Variants in ABCA13 observed in about 807,000 individuals in gnomAD.
ABCA13 encodes the protein ATP binding cassette subfamily A member 13, also known as ATP-binding cassette sub-family A member 13.
A neutral mutation model predicts 478.7 loss-of-function variants in ABCA13; 476 were observed. The observed-to-expected ratio is 0.99, with a 90% CI of 0.92 to 1.07. The LOEUF is 1.07. Among genes scored for constraint, ABCA13 ranks in the 50% least tolerant of loss-of-function variants. ABCA13 has a pLI of 0.00. For synonymous variants in ABCA13, 2,252 were observed against 2,158.9 expected (o/e 1.04, Z -1.20); for missense variants, 6,060 against 5,910.6 (o/e 1.03, Z -0.83).
In ABCA13 at chr7:48,350,718, T is replaced by C. The variant is rs980614929; in HGVS notation, c.10280T>C (p.Leu3427Pro). ...FRFLGSILVNLSSCVALNRFQ... is the reference protein window; with the variant it reads ...FRFLGSILVNPSSCVALNRFQ... ...TTCTTGGGCAGCATCTTGGTCAATC[T>C]CTCTTCCTGCGTGGCACTGAACCGT... The change falls in exon 30 of 62, where the codon CTC (leucine) becomes CCC (proline). Residue 3427 changes from leucine to proline, a missense_variant. Physicochemically the swap from Leu to Pro is moderately conservative, Grantham distance 98 (BLOSUM62 -3). Coordinates refer to ENST00000435803, the MANE Select transcript of ABCA13 (RefSeq NM_152701.5). 22 of 1,613,976 alleles carry C rather than the reference T, an allele frequency of 1.4e-5. No individual in the cohort carries two copies. Among genetic ancestry groups the C allele is most frequent in the Non-Finnish European group, 1.9e-5 (22 of 1,179,860 alleles).
intron 26 of ABCA13, among the ~76,000 whole-genome samples, chr7:48,316,794 G>A (rs919510088): frequency 3.9e-5 from 6 of 152,332 alleles, no homozygotes; most frequent in Non-Finnish European, 7.3e-5. Context: ...CAAGAGGGGG[G>A]AGGAGGGAGA....
intron 29 of ABCA13, among the ~76,000 whole-genome samples, chr7:48,339,874 G>T (rs1020285957): frequency 1.3e-5 from 2 of 152,138 alleles, no homozygotes; most frequent in African/African-American, 4.8e-5. Flanking sequence ...TGGGGTGGCG[G>T]TGGGGGATTG....
chr7:48,178,690 G>A (rs982551563), intron 1 of ABCA13, among the ~76,000 whole-genome samples: 1 of 148,690 alleles, frequency 6.7e-6, no homozygotes, highest in Non-Finnish European at 1.5e-5. Context: ...ATAAAAAAAA[G>A]TAAAATAAAA....
In ABCA13 at chr7:48,410,601, G is replaced by T. The variant is rs746492849; in HGVS notation, c.12152G>T (p.Arg4051Met). The change falls in exon 40 of 62, where the codon AGG (arginine) becomes ATG (methionine). Residue 4051 changes from arginine (R) to methionine (M), a missense_variant. This residue lies in a region of ABCA13 where 1,627 missense variants were observed against 1,571.0 expected (regional missense o/e 1.04). Coordinates refer to ENST00000435803, the MANE Select transcript of ABCA13 (RefSeq NM_152701.5). ...CGCGTGGCCGTCCTCCAGCATGGGAGGCTCAGGTGCTGCGGTCCTCCCTTC... is the reference window on the plus strand; with the variant it reads ...CGCGTGGCCGTCCTCCAGCATGGGATGCTCAGGTGCTGCGGTCCTCCCTTC... The part of the protein sequence containing the change: ...SDRVAVLQHG[R>M]LRCCGPPFCL... 5.0e-6 allele frequency: 8 copies of T among 1,614,058 alleles called. No homozygotes were observed. Among genetic ancestry groups the T allele is most frequent in the Non-Finnish European group, 5.1e-6 (6 of 1,179,904 alleles).
At chr7:48,391,885 C>A in intron 37 of ABCA13, 36 bp from the exon 38 acceptor site, 1 of 1,587,346 alleles carries the variant, frequency 6.3e-7, no homozygotes, top group Non-Finnish European at 8.6e-7. Flanking sequence ...GTATCAGCAA[C>A]GCGTATTCTC....
chr7:48,211,296 C>A (rs2128943385), intron 3 of ABCA13, among the ~76,000 whole-genome samples: 1 of 152,142 alleles, frequency 6.6e-6, no homozygotes, highest in East Asian at 1.9e-4. Context: ...ATGTTGTGAC[C>A]TAAGCCTGTG....
intron 53 of ABCA13, among the ~76,000 whole-genome samples, 151 bp downstream of exon 53, chr7:48,520,445 CATTG>C (rs1284828574): frequency 6.6e-6 from 1 of 152,128 alleles, no homozygotes. Context: ...ATTTTTTAAA[CATTG>C]ATTGGTGTCA....
rs1015284032 is a variant in ABCA13 at position 48,320,955 on chromosome 7, G to A, written c.9999+3659G>A. 2.0e-5 allele frequency among the ~76,000 whole-genome samples: 3 copies of A among 152,186 alleles called. No homozygotes were observed. The South Asian group carries it at 6.2e-4, about 32-fold the overall frequency. ...GAAAAAATACCAGAAATAATATTCA[G>A]AAAATAGTAAACCAATGGGATCTCC... is the stretch of plus-strand genomic sequence containing the variant. On this transcript the variant is annotated intron_variant, in intron 27 of 61. Transcript: ENST00000435803.
intron 3 of ABCA13, among the ~76,000 whole-genome samples, chr7:48,208,407 T>G (rs893275765): frequency 3.9e-5 from 6 of 152,164 alleles, no homozygotes; most frequent in Admixed American, 3.9e-4. Flanking sequence ...GATGGACATT[T>G]TAATAATATT....
At chr7:48,298,646 CAA>C (rs1475139050) in intron 23 of ABCA13, among the ~76,000 whole-genome samples, 159 bp downstream of exon 23, 5 of 152,290 alleles carry the variant, frequency 3.3e-5, no homozygotes, top group African/African-American at 1.2e-4. Flanking sequence ...AGAAAGGAAA[CAA>C]GAGAACAAGC....
chr7:48,372,107 G>A, intron 32 of ABCA13, 61 bp from the exon 33 acceptor site: 3 of 1,465,606 alleles, frequency 2.0e-6, no homozygotes, highest in Non-Finnish European at 2.8e-6. Flanking sequence ...CCTACCATCT[G>A]ATTTGTTCTT....
At chr7:48,205,990 C>T (rs933462807) in intron 3 of ABCA13, among the ~76,000 whole-genome samples, 2 of 152,158 alleles carry the variant, frequency 1.3e-5, no homozygotes, top group African/African-American at 4.8e-5. Flanking sequence ...TCATTTTCCT[C>T]AGAATTCTCC....
chr7:48,314,763 T>A (rs776498274), intron 26 of ABCA13, among the ~76,000 whole-genome samples: 1 of 152,180 alleles, frequency 6.6e-6, no homozygotes, highest in African/African-American at 2.4e-5. Context: ...TATATTATAA[T>A]AACGAAGAGA....
chr7:48,204,311 G>A (rs1167328790), intron 3 of ABCA13, among the ~76,000 whole-genome samples: 1 of 151,808 alleles, frequency 6.6e-6, no homozygotes, highest in South Asian at 2.1e-4. Context: ...CCGGGTTCAA[G>A]CGATTCTCCT....
rs1334169510 is a variant in ABCA13, at chr7:48,272,334, G to T, written c.2668G>T (p.Asp890Tyr). ...DWPKSPAMNIDFVRLSEAIIT... is the reference protein window; with the variant it reads ...DWPKSPAMNIYFVRLSEAIIT... ...GCCTAAATCACCAGCTATGAACATA[G>T]ATTTTGTACGTTTAAGTGAGGCTAT... The change falls in exon 17 of 62, where the codon GAT (aspartate) becomes TAT (tyrosine). Residue 890 changes from aspartate (D) to tyrosine (Y), a missense_variant. Around this residue, in one of 3 missense-constraint regions of ABCA13, gnomAD observed 4,423 missense variants for 4,309.1 expected, o/e 1.03. Transcript: ENST00000435803. The T allele has an allele frequency of 2.5e-6, 4 of 1,613,712 alleles. No individual in the cohort carries two copies. Among genetic ancestry groups the T allele is most frequent in the Non-Finnish European group, 3.4e-6 (4 of 1,179,748 alleles).
At chr7:48,638,547 C>G (rs938579476) in intron 59 of ABCA13, among the ~76,000 whole-genome samples, 1 of 152,162 alleles carries the variant, frequency 6.6e-6, no homozygotes, top group Non-Finnish European at 1.5e-5. Context: ...GTCAAAGGCT[C>G]TCTTTATGTT....
intron 42 of ABCA13, among the ~76,000 whole-genome samples, chr7:48,446,311 A>C: frequency 6.6e-6 from 1 of 151,810 alleles, no homozygotes; most frequent in African/African-American, 2.4e-5. Flanking sequence ...TATGTGAAAG[A>C]TCACAAATCT....
At chr7:48,197,777 A>T (rs1010580395) in intron 2 of ABCA13, among the ~76,000 whole-genome samples, 1 of 152,212 alleles carries the variant, frequency 6.6e-6, no homozygotes, top group African/African-American at 2.4e-5. Flanking sequence ...ACAATATTTA[A>T]CAACTATATT....
rs563481474 is a variant in ABCA13 at position 48,310,131 on chromosome 7, T to C, written c.9506T>C (p.Phe3169Ser). 5.8e-5 allele frequency: 94 copies of C among 1,609,048 alleles called. No homozygotes were observed. In the South Asian group the frequency reaches 9.8e-4, roughly 17 times the overall value. Residue 3169 changes from phenylalanine (F) to serine (S), a missense_variant, in exon 24 of 62, where the codon TTC becomes TCC. Coordinates refer to ENST00000435803, the MANE Select transcript of ABCA13 (RefSeq NM_152701.5). ...LLSRNLDVRA[F>S]IYKTLMPSEA... ...AGTCGAAACTTGGATGTGCGAGCTT[T>C]CATTTACAAGGTATGGAGAGCATGC... is the stretch of plus-strand genomic sequence containing the variant.
Sources: gnomAD v4.1 joint callset for allele counts (sites outside exome capture counted in the v4.1 genomes callset) on GRCh38, gnomAD v4.1.1 for gene constraint, gnomAD v4.1.1 regional missense constraint, MANE v1.5 for transcripts, NCBI Gene and HGNC (gene_info 2026-07-23, HGNC 2026-07-21) for gene names.